RABGAP1L: variants seen among roughly 807,000 people sequenced by gnomAD.
RABGAP1L encodes the protein RAB GTPase activating protein 1 like.
In RABGAP1L, 63 loss-of-function variants were observed where a neutral mutation model predicts 137.7. The observed-to-expected ratio is 0.46, with a 90% CI of 0.37 to 0.56. The LOEUF is 0.56. Ranked by LOEUF, RABGAP1L falls within the 20% of genes least tolerant of loss-of-function variation. RABGAP1L has a pLI of 0.00. For synonymous variants in RABGAP1L, 431 were observed against 433.7 expected (o/e 0.99, Z 0.08); for missense variants, 1,095 against 1,244.0 (o/e 0.88, Z 1.80).
At chr1:174,591,677 T>C (rs1431955956) in intron 13 of RABGAP1L, among the ~76,000 whole-genome samples, 1 of 62,972 alleles carries the variant, frequency 1.6e-5, no homozygotes, top group Admixed American at 2.2e-4. Flanking sequence ...TGTGGCATTA[T>C]TTCTGAGGGC....
intron 14 of RABGAP1L, among the ~76,000 whole-genome samples, chr1:174,642,137 C>T (rs1674575878): frequency 6.6e-6 from 1 of 152,038 alleles, no homozygotes; most frequent in African/African-American, 2.4e-5. Context: ...TGCTTTTTCT[C>T]ATTTTTTGTT....
At chr1:174,985,562 C>G (rs1671521283) in intron 24 of RABGAP1L, among the ~76,000 whole-genome samples, 1 of 152,216 alleles carries the variant, frequency 6.6e-6, no homozygotes, top group African/African-American at 2.4e-5. Context: ...TCCCCTTTCT[C>G]TAGTGCTTCC....
chr1:174,357,960 T>G (rs1276843364), intron 11 of RABGAP1L, among the ~76,000 whole-genome samples: 1 of 152,196 alleles, frequency 6.6e-6, no homozygotes, highest in Non-Finnish European at 1.5e-5. Context: ...CTCTCTAAGA[T>G]AAGTACTGTT....
intron 11 of RABGAP1L, among the ~76,000 whole-genome samples, chr1:174,351,211 A>G (rs1683156230): frequency 6.6e-6 from 1 of 152,174 alleles, no homozygotes. Flanking sequence ...TAGTTTACAA[A>G]GCACAATTAT....
intron 19 of RABGAP1L, among the ~76,000 whole-genome samples, chr1:174,824,839 G>A (rs1691407501): frequency 6.6e-6 from 1 of 151,894 alleles, no homozygotes; most frequent in Non-Finnish European, 1.5e-5. Context: ...AATGGTGGCA[G>A]CAACATGTAA....
chr1:174,201,590 G>A (rs1308871812), intron 1 of RABGAP1L, among the ~76,000 whole-genome samples: 1 of 151,288 alleles, frequency 6.6e-6, no homozygotes, highest in East Asian at 1.9e-4. Flanking sequence ...GGGAATGTGT[G>A]CTTGTATTTT....
intron 1 of RABGAP1L, among the ~76,000 whole-genome samples, chr1:174,212,619 A>G (rs1463358226): frequency 2.0e-5 from 3 of 152,054 alleles, no homozygotes; most frequent in Admixed American, 6.6e-5. Flanking sequence ...CGACCTAACA[A>G]TACTTAAAGA....
rs530687577 is a variant in RABGAP1L, at chr1:174,917,338, T to C, written c.2341-40119T>C. On this transcript the variant is annotated intron_variant, in intron 19 of 25. Coordinates refer to ENST00000681986, the MANE Select transcript of RABGAP1L (RefSeq NM_001366446.1). ...ACAGATTTATAAATATGTGTTGATATTATGTATACATCAGAATATATAATG... is the reference window on the plus strand; with the variant it reads ...ACAGATTTATAAATATGTGTTGATACTATGTATACATCAGAATATATAATG... Among the ~76,000 whole-genome samples the C allele has an allele frequency of 1.4e-3, 209 of 152,314 alleles. 1 individual carries two copies. The South Asian group carries it at 0.019, about 14-fold the overall frequency.
intron 13 of RABGAP1L, among the ~76,000 whole-genome samples, chr1:174,617,452 A>G (rs1671993200): frequency 6.6e-6 from 1 of 152,240 alleles, no homozygotes; most frequent in African/African-American, 2.4e-5. Context: ...TACTGAAGTG[A>G]CCTTTATAAT....
At chr1:174,866,283 A>T (rs1651234789) in intron 19 of RABGAP1L, among the ~76,000 whole-genome samples, 1 of 152,226 alleles carries the variant, frequency 6.6e-6, no homozygotes, top group South Asian at 2.1e-4. Context: ...TTTAGATTTA[A>T]CATAAAAAAT....
In RABGAP1L at chr1:174,761,115, CA is replaced by C. The variant is rs1685184232; in HGVS notation, c.2211+8762del. Among the ~76,000 whole-genome samples the C allele has an allele frequency of 6.6e-6, 1 of 152,172 alleles. No individual in the cohort carries two copies. The highest frequency in any genetic ancestry group is 1.5e-5 in the Non-Finnish European group (1 of 68,034). The stretch of plus-strand genomic sequence containing the variant: ...GACTTACAGTTCCACGTGGCTGGGC[CA>C]GGCCTCACAATCATGAAGGACGGCA... On this transcript the variant is annotated intron_variant, in intron 18 of 25. Transcript: ENST00000681986. This position sits in a 1 kb window ranked among gnomAD's most constrained non-coding sequence, Gnocchi z 4.0.
intron 14 of RABGAP1L, among the ~76,000 whole-genome samples, chr1:174,653,054 G>C (rs1000593194): frequency 1.3e-5 from 2 of 152,140 alleles, no homozygotes; most frequent in Non-Finnish European, 2.9e-5. Context: ...AGCTGGGGTG[G>C]GCTCTGCCCA....
At chr1:174,252,286 G>A (rs1467764044) in intron 6 of RABGAP1L, among the ~76,000 whole-genome samples, 194 bp from the exon 7 acceptor site, 1 of 152,162 alleles carries the variant, frequency 6.6e-6, no homozygotes, top group Non-Finnish European at 1.5e-5. Flanking sequence ...AATAATGACT[G>A]TGTTGCTGAC....
intron 18 of RABGAP1L, among the ~76,000 whole-genome samples, chr1:174,789,520 T>C (rs997435092): frequency 6.6e-6 from 1 of 152,162 alleles, no homozygotes; most frequent in African/African-American, 2.4e-5. Context: ...TAAGAATGTA[T>C]AATAACTGAG....
At chr1:174,333,441 T>G (rs1325396016) in intron 11 of RABGAP1L, among the ~76,000 whole-genome samples, 2 of 152,206 alleles carry the variant, frequency 1.3e-5, no homozygotes, top group African/African-American at 4.8e-5. Flanking sequence ...TAAATATGTA[T>G]AATTATTACA....
chr1:174,878,375 C>T (rs887241656), intron 19 of RABGAP1L, among the ~76,000 whole-genome samples: 4 of 151,856 alleles, frequency 2.6e-5, no homozygotes, highest in Non-Finnish European at 5.9e-5. Flanking sequence ...TACAGGCATG[C>T]GCCACCATGC....
chr1:174,419,526 G>A (rs1385851569), intron 13 of RABGAP1L, among the ~76,000 whole-genome samples: 2 of 152,138 alleles, frequency 1.3e-5, no homozygotes, highest in Admixed American at 1.3e-4. Context: ...CTTTAAAACA[G>A]TTTTTAAAAT....
At chr1:174,422,028 CA>C (rs1486425467) in intron 13 of RABGAP1L, among the ~76,000 whole-genome samples, 3 of 152,168 alleles carry the variant, frequency 2.0e-5, no homozygotes, top group African/African-American at 7.2e-5. Context: ...CTCAGCTTCT[CA>C]AAGTGCTGGG....
intron 13 of RABGAP1L, among the ~76,000 whole-genome samples, chr1:174,586,977 C>A (rs1219820012): frequency 1.3e-5 from 2 of 151,616 alleles, no homozygotes; most frequent in African/African-American, 2.4e-5. Flanking sequence ...CAATTCCCAC[C>A]TATGAGTGAG....
Sources: gnomAD v4.1 joint callset for allele counts (sites outside exome capture counted in the v4.1 genomes callset) on GRCh38, gnomAD v4.1.1 for gene constraint, Gnocchi (gnomAD v3.1) non-coding constraint, MANE v1.5 for transcripts, NCBI Gene and HGNC (gene_info 2026-07-23, HGNC 2026-07-21) for gene names.